Variants in NXPE2 observed in about 807,000 individuals in gnomAD.
NXPE2 encodes neurexophilin and PC-esterase domain family member 2.
In NXPE2, 34 loss-of-function variants were observed where a neutral mutation model predicts 34.4. The observed-to-expected ratio is 0.99, with a 90% CI of 0.75 to 1.31. The LOEUF is 1.31. Among genes scored for constraint, NXPE2 ranks in the 40% most tolerant of loss-of-function variants. The probability of loss-of-function intolerance (pLI) is 0.00; values close to 1 mark genes in which losing one functional copy is unlikely to be tolerated. For synonymous variants in NXPE2, 235 were observed against 231.3 expected, an observed-to-expected ratio of 1.02 and a Z score of -0.15; for missense variants, 649 against 672.5, an observed-to-expected ratio of 0.97 and a Z score of 0.39.
intron 2 of NXPE2, among the ~76,000 whole-genome samples, 168 bp from the exon 3 acceptor site, chr11:114,697,877 T>A (rs1006672131): frequency 1.3e-5 from 2 of 152,220 alleles, no homozygotes; most frequent in Admixed American, 1.3e-4. Flanking sequence ...GAAGTCATAC[T>A]ACATGGAAAC....
At chr11:114,511,227 G>A in the NXPE2 span, among the ~76,000 whole-genome samples, 1 of 152,294 alleles carries the variant, frequency 6.6e-6, no homozygotes, top group African/African-American at 2.4e-5. Flanking sequence ...TCTGGCCAGT[G>A]CTGCATGATC....
the NXPE2 span, among the ~76,000 whole-genome samples, chr11:114,788,634 T>G: frequency 6.6e-6 from 1 of 152,212 alleles, no homozygotes; most frequent in Admixed American, 6.5e-5. Context: ...ATGTGCTGCC[T>G]CTCGTGTCCC....
At chr11:114,588,352 G>A in the NXPE2 span, among the ~76,000 whole-genome samples, 118 of 152,242 alleles carry the variant, frequency 7.8e-4, no homozygotes, top group Middle Eastern at 6.8e-3. Context: ...GGGAGACTTA[G>A]GCCAATTTTC....
the NXPE2 span, among the ~76,000 whole-genome samples, chr11:114,604,329 T>C: frequency 6.6e-6 from 1 of 151,956 alleles, no homozygotes; most frequent in African/African-American, 2.4e-5. Flanking sequence ...AAAATAAGTG[T>C]TGCTTCGTGG....
chr11:114,677,758 T>G (rs1950874639), upstream of NXPE2, among the ~76,000 whole-genome samples: 1 of 152,106 alleles, frequency 6.6e-6, no homozygotes, highest in South Asian at 2.1e-4. Context: ...CATATTTATA[T>G]CTAGATAGCT....
chr11:114,576,473 G>C, the NXPE2 span, among the ~76,000 whole-genome samples: 39 of 151,866 alleles, frequency 2.6e-4, no homozygotes, highest in Admixed American at 1.3e-4. Context: ...CTCATATCCA[G>C]AATCTACAAA....
At chr11:114,788,200 C>T in the NXPE2 span, among the ~76,000 whole-genome samples, 11 of 152,186 alleles carry the variant, frequency 7.2e-5, no homozygotes, top group African/African-American at 2.4e-4. Flanking sequence ...CCTTTCAACA[C>T]GGCCATGAGA....
the NXPE2 span, among the ~76,000 whole-genome samples, chr11:114,733,891 C>T: frequency 6.6e-6 from 1 of 152,170 alleles, no homozygotes; most frequent in South Asian, 2.1e-4. Flanking sequence ...TTAACCCAGT[C>T]CCATGTGTAT....
intron 2 of NXPE2, among the ~76,000 whole-genome samples, chr11:114,685,382 T>A (rs1951028236): frequency 6.6e-6 from 1 of 152,138 alleles, no homozygotes; most frequent in African/African-American, 2.4e-5. Flanking sequence ...TTTTCATGTG[T>A]ACTTACATGG....
chr11:114,522,737 A>G, the NXPE2 span: 1 of 682,680 alleles, frequency 1.5e-6, no homozygotes, highest in South Asian at 2.0e-5. Flanking sequence ...AAGGAATAAA[A>G]TACATTTTAA....
At chr11:114,578,546 G>A in the NXPE2 span, among the ~76,000 whole-genome samples, 2 of 152,114 alleles carry the variant, frequency 1.3e-5, no homozygotes, top group East Asian at 1.9e-4. Context: ...CTTCCATTGA[G>A]AATTTTTCTT....
chr11:114,746,466 C>A, the NXPE2 span, among the ~76,000 whole-genome samples: 1 of 152,046 alleles, frequency 6.6e-6, no homozygotes, highest in Non-Finnish European at 1.5e-5. Flanking sequence ...ACCAGAGGTG[C>A]GTGAGAAAAC....
chr11:114,577,697 T>C, the NXPE2 span, among the ~76,000 whole-genome samples: 2 of 152,158 alleles, frequency 1.3e-5, no homozygotes, highest in Non-Finnish European at 2.9e-5. Context: ...GTTTTGTAGA[T>C]ATTATTTTTG....
chr11:114,567,690 C>T, the NXPE2 span, among the ~76,000 whole-genome samples: 1 of 152,002 alleles, frequency 6.6e-6, no homozygotes, highest in African/African-American at 2.4e-5. Context: ...AAGATTATAA[C>T]TGTAAGGATT....
At chr11:114,745,639 A>C in the NXPE2 span, among the ~76,000 whole-genome samples, 7 of 152,172 alleles carry the variant, frequency 4.6e-5, no homozygotes, top group African/African-American at 1.7e-4. Flanking sequence ...TTTCAAGAAA[A>C]ATTTCTTTGG....
the NXPE2 span, among the ~76,000 whole-genome samples, chr11:114,571,958 A>G: frequency 6.6e-6 from 1 of 152,208 alleles, no homozygotes; most frequent in Non-Finnish European, 1.5e-5. Context: ...AAACCAGCAC[A>G]CTAAACAAAA....
At chr11:114,780,961 A>T in the NXPE2 span, among the ~76,000 whole-genome samples, 2 of 152,156 alleles carry the variant, frequency 1.3e-5, no homozygotes, top group African/African-American at 4.8e-5. Flanking sequence ...GAGGGAGTGC[A>T]GCGGCGTGAG....
chr11:114,747,777 GA>G, the NXPE2 span, among the ~76,000 whole-genome samples: 1 of 152,118 alleles, frequency 6.6e-6, no homozygotes, highest in Non-Finnish European at 1.5e-5. Context: ...GTTGGGTGAG[GA>G]CACAGCGCCA....
the NXPE2 span, among the ~76,000 whole-genome samples, chr11:114,666,748 G>C: frequency 1.7e-4 from 26 of 152,056 alleles, no homozygotes; most frequent in African/African-American, 5.3e-4. Context: ...GCTTTTATAA[G>C]GTAGAATATC....
Sources: gnomAD v4.1 joint callset for allele counts (sites outside exome capture counted in the v4.1 genomes callset) on GRCh38, gnomAD v4.1.1 for gene constraint, MANE v1.5 for transcripts, NCBI Gene and HGNC (gene_info 2026-07-23, HGNC 2026-07-21) for gene names.